The following SHANK2 variants were observed in gnomAD, a reference collection of about 807,000 sequenced individuals.
SHANK2 encodes SH3 and multiple ankyrin repeat domains protein 2.
Under a neutral mutation model 133.7 loss-of-function variants are expected in SHANK2, and 43 were observed. The observed-to-expected ratio is 0.32, with a 90% confidence interval of 0.25 to 0.41. The LOEUF (loss-of-function observed/expected upper bound fraction) is 0.41, where lower values mean the gene tolerates loss of function less well. Ranked by LOEUF, SHANK2 falls within the 10% of genes least tolerant of loss-of-function variation. The pLI, the probability that SHANK2 is intolerant of heterozygous loss-of-function variation, is 1.00. For missense variants in SHANK2, 1,994 were observed against 2,235.8 expected, an observed-to-expected ratio of 0.89 and a Z score of 2.18; for synonymous variants, 1,017 against 952.8, an observed-to-expected ratio of 1.07 and a Z score of -1.24.
intron 21 of SHANK2, among the ~76,000 whole-genome samples, chr11:70,499,792 G>A (rs981594040): frequency 2.6e-5 from 4 of 152,204 alleles, no homozygotes; most frequent in African/African-American, 2.4e-5. Context: ...GGATGACACA[G>A]GTCGGGACAG....
rs1951156757 is a variant in SHANK2 at position 71,072,490 on chromosome 11, A to G, written c.1029+2669T>C. Among the ~76,000 whole-genome samples, 8 of 152,328 alleles carry G rather than the reference A, an allele frequency of 5.3e-5. No individual in the cohort carries two copies. In the South Asian group the frequency reaches 1.7e-3, roughly 32 times the overall value. Reference sequence around the variant, plus strand: ...GGCTCTCACACTTGGTCTTACAGGGAAGTGTGAAGATGATTTGCTTTTTCA... The same window carrying G: ...GGCTCTCACACTTGGTCTTACAGGGGAGTGTGAAGATGATTTGCTTTTTCA... On this transcript the variant is annotated intron_variant, in intron 9 of 25. Coordinates refer to ENST00000601538, the MANE Select transcript of SHANK2 (RefSeq NM_012309.5).
chr11:71,147,193 C>A lies in SHANK2; in HGVS notation c.134G>T (p.Gly45Val). ...CTGGCTCTCCTCCGTCCTGGCACCGCCCGGCTTCTCCGCAGTGGCCCGGAT... is the reference window on the plus strand; with the variant it reads ...CTGGCTCTCCTCCGTCCTGGCACCGACCGGCTTCTCCGCAGTGGCCCGGAT... ...DTIRATAEKP[G>V]GARTEESQGN... is the part of the protein sequence containing the mutation. Residue 45 changes from glycine to valine, a missense_variant, in exon 3 of 26, where the codon GGC (glycine) becomes GTC (valine). Coordinates refer to ENST00000601538, the MANE Select transcript of SHANK2 (RefSeq NM_012309.5). 1 of 1,550,804 alleles carries A rather than the reference C, an allele frequency of 6.4e-7. No individual in the cohort carries two copies. Among genetic ancestry groups the A allele is most frequent in the Non-Finnish European group, 8.7e-7 (1 of 1,146,958 alleles).
At chr11:70,564,965 T>A (rs2059950292) in intron 17 of SHANK2, among the ~76,000 whole-genome samples, 1 of 152,250 alleles carries the variant, frequency 6.6e-6, no homozygotes, top group Non-Finnish European at 1.5e-5. Flanking sequence ...TTTGGACATA[T>A]GGAATACAGT....
At chr11:70,931,349 T>G (rs1444779239) in intron 10 of SHANK2, among the ~76,000 whole-genome samples, 1 of 152,180 alleles carries the variant, frequency 6.6e-6, no homozygotes, top group Non-Finnish European at 1.5e-5. Flanking sequence ...GACGGGTAAA[T>G]TGTATGATCT....
intron 21 of SHANK2, chr11:70,497,115 A>G: frequency 2.3e-6 from 1 of 443,054 alleles, no homozygotes; most frequent in Non-Finnish European, 4.5e-6. Context: ...AGTGTAATTC[A>G]AATGAAAAAG....
At chr11:71,240,356 G>A (rs560154196) in intron 1 of SHANK2, among the ~76,000 whole-genome samples, 5 of 152,288 alleles carry the variant, frequency 3.3e-5, no homozygotes, top group Admixed American at 2.0e-4. Context: ...GTGACAAGCC[G>A]TGACAAGCTG....
At chr11:70,520,743 T>TTATC (rs2059320190) in intron 17 of SHANK2, among the ~76,000 whole-genome samples, 1 of 152,216 alleles carries the variant, frequency 6.6e-6, no homozygotes, top group African/African-American at 2.4e-5. Context: ...ATTCCTCCCT[T>TTATC]TATCTTTCAG....
chr11:70,669,566 G>A (rs1284595739), intron 15 of SHANK2: 1 of 152,652 alleles, frequency 6.6e-6, no homozygotes, highest in East Asian at 1.9e-4. Context: ...CAGCGGGGCT[G>A]TTTCCACAAC....
chr11:70,726,331 A>C (rs1555030664), intron 14 of SHANK2, among the ~76,000 whole-genome samples: 1 of 152,176 alleles, frequency 6.6e-6, no homozygotes, highest in Non-Finnish European at 1.5e-5. Context: ...AGGTCTGGCC[A>C]CTAAAAGGAG....
intron 14 of SHANK2, among the ~76,000 whole-genome samples, chr11:70,790,466 T>C (rs748654619): frequency 3.9e-5 from 6 of 152,186 alleles, no homozygotes; most frequent in Non-Finnish European, 7.3e-5. Context: ...TGGCTTGAAG[T>C]CAACATTTTT....
At position 70,487,674 on chromosome 11, in the gene SHANK2, C is replaced by T; in HGVS notation, c.2619G>A (p.Lys873=). 6.3e-7 allele frequency: 1 copy of T among 1,586,096 alleles called. No homozygotes were observed. Among genetic ancestry groups the T allele is most frequent in the South Asian group, 1.1e-5 (1 of 87,544 alleles). ...CCGGCATGGACAGGCTTCTGGTGAA[C>T]TTCAGCATTGGAGGAGCCAGAAACT... ...ERQFLAPPML[K]FTRSLSMPDT... The change falls in exon 25 of 26, where the codon AAG becomes AAA. Residue 873 remains lysine (K), a synonymous_variant. Coordinates refer to ENST00000601538, the MANE Select transcript of SHANK2 (RefSeq NM_012309.5). This position sits in a 1 kb window ranked among gnomAD's most constrained non-coding sequence, Gnocchi z 5.8.
chr11:70,565,612 G>A (rs1175065594), intron 17 of SHANK2, among the ~76,000 whole-genome samples: 3 of 152,164 alleles, frequency 2.0e-5, no homozygotes, highest in African/African-American at 7.2e-5. Context: ...CCCACAGCCT[G>A]GAAACGCTCA....
At chr11:71,201,737 G>A (rs753904551) in intron 2 of SHANK2, among the ~76,000 whole-genome samples, 2 of 152,318 alleles carry the variant, frequency 1.3e-5, no homozygotes, top group Non-Finnish European at 1.5e-5. Flanking sequence ...CACAGACTCC[G>A]AGGGTAGTGG....
At chr11:71,218,416 A>G (rs1954462861) in intron 2 of SHANK2, among the ~76,000 whole-genome samples, 1 of 151,960 alleles carries the variant, frequency 6.6e-6, no homozygotes, top group African/African-American at 2.4e-5. Context: ...GGTATGTGCC[A>G]CCACGCCCAG....
At chr11:70,699,587 CTGT>C (rs1377401805) in intron 14 of SHANK2, among the ~76,000 whole-genome samples, 1 of 152,230 alleles carries the variant, frequency 6.6e-6, no homozygotes, top group Non-Finnish European at 1.5e-5. Context: ...ACAACCTTCT[CTGT>C]TGTTAGCCTC....
At chr11:70,677,409 G>A (rs782159841) in intron 15 of SHANK2, among the ~76,000 whole-genome samples, 5 of 152,162 alleles carry the variant, frequency 3.3e-5, no homozygotes, top group Non-Finnish European at 7.3e-5. Context: ...CCTAGAACCC[G>A]GGCCACCACC....
In SHANK2 at chr11:71,246,292, G is replaced by A. The variant is rs782102748; in HGVS notation, c.-113+6133C>T. 6.9e-4 allele frequency among the ~76,000 whole-genome samples: 105 copies of A among 152,118 alleles called. 1 individual carries two copies. Among genetic ancestry groups the A allele is most frequent in the Non-Finnish European group, 1.5e-4 (10 of 67,976 alleles). The stretch of plus-strand genomic sequence containing the variant: ...CAGACTGCCAGCTGTCCAGACTCTT[G>A]GCCATTCCCCACCCCCACCGAGGAC... On this transcript the variant is annotated intron_variant, in intron 1 of 25. Coordinates refer to ENST00000601538, the MANE Select transcript of SHANK2 (RefSeq NM_012309.5).
intron 14 of SHANK2, among the ~76,000 whole-genome samples, chr11:70,788,312 C>T (rs1408518331): frequency 6.6e-6 from 1 of 152,220 alleles, no homozygotes; most frequent in African/African-American, 2.4e-5. Flanking sequence ...TTCCCTTTAT[C>T]CATGGTTTCA....
chr11:70,621,359 G>T (rs923411532), intron 17 of SHANK2, among the ~76,000 whole-genome samples: 1 of 152,228 alleles, frequency 6.6e-6, no homozygotes, highest in African/African-American at 2.4e-5. Flanking sequence ...TGGAACATGC[G>T]AAGCAGAACC....
Sources: gnomAD v4.1 joint callset for allele counts (sites outside exome capture counted in the v4.1 genomes callset) on GRCh38, gnomAD v4.1.1 for gene constraint, Gnocchi (gnomAD v3.1) non-coding constraint, MANE v1.5 for transcripts, NCBI Gene and HGNC (gene_info 2026-07-23, HGNC 2026-07-21) for gene names.